The following DZIP3 variants were observed in gnomAD, a reference collection of about 807,000 sequenced individuals.
DZIP3 encodes DAZ interacting zinc finger protein 3, also known as E3 ubiquitin-protein ligase DZIP3.
Under a neutral mutation model 162.0 loss-of-function variants are expected in DZIP3, and 118 were observed. The ratio of observed to expected loss-of-function variants is 0.73; its 90% CI spans 0.63 to 0.85. The LOEUF is 0.85. Among genes scored for constraint, DZIP3 ranks in the 40% least tolerant of loss-of-function variants. DZIP3 has a pLI of 0.00. For missense variants in DZIP3, 1,331 were observed against 1,407.0 expected (o/e 0.95, Z 0.86); for synonymous variants, 438 against 458.6 (o/e 0.96, Z 0.57).
chr3:108,607,451 T>C (rs1250338853), intron 2 of DZIP3, among the ~76,000 whole-genome samples: 3 of 152,208 alleles, frequency 2.0e-5, no homozygotes, highest in Non-Finnish European at 4.4e-5. Flanking sequence ...CCCTATATTA[T>C]GGTGCCTTTA....
chr3:108,593,562 CAT>C (rs1939542030), intron 1 of DZIP3, among the ~76,000 whole-genome samples: 3 of 151,598 alleles, frequency 2.0e-5, no homozygotes, highest in Admixed American at 2.0e-4. Flanking sequence ...TAATAAGAAT[CAT>C]AGAAATTATC....
intron 26 of DZIP3, among the ~76,000 whole-genome samples, chr3:108,680,403 T>C (rs1280351567): frequency 1.3e-5 from 2 of 152,002 alleles, no homozygotes; most frequent in East Asian, 3.9e-4. Context: ...TCGCAAAGAC[T>C]CCACTTAAAA....
At chr3:108,635,298 C>A in intron 10 of DZIP3, 1 of 225,760 alleles carries the variant, frequency 4.4e-6, no homozygotes, top group South Asian at 7.1e-5. Flanking sequence ...AATATTGTTG[C>A]ATATATGCAC....
At chr3:108,678,710 A>G (rs1944199921) in intron 26 of DZIP3, among the ~76,000 whole-genome samples, 1 of 152,006 alleles carries the variant, frequency 6.6e-6, no homozygotes, top group Non-Finnish European at 1.5e-5. Context: ...TTGGATGACA[A>G]TTTTTATTAT....
At position 108,651,137 on chromosome 3, in the gene DZIP3, A is replaced by G; in HGVS notation, c.2008A>G (p.Asn670Asp). ...TACTAATTCTTATGTTATTTTTCAG[A>G]ATAAAGACTCAAAAGAAGACCAAGT... Reference protein sequence around the residue: ...RKKKKTKNKKNKDSKEDQVPY... With the variant: ...RKKKKTKNKKDKDSKEDQVPY... The change falls in exon 18 of 33, where the codon AAT (asparagine) becomes GAT (aspartate). Residue 670 changes from asparagine (N) to aspartate (D), a missense_variant and splice_region_variant. By Grantham distance (23) the Asn-to-Asp change is conservative. Transcript: ENST00000361582. 3 of 741,234 alleles carry G rather than the reference A, an allele frequency of 4.0e-6. No individual in the cohort carries two copies. Among genetic ancestry groups the G allele is most frequent in the South Asian group, 2.0e-5 (1 of 50,140 alleles). 45.9% of individuals were successfully genotyped at this position (741,234 alleles called of 1,614,324 possible).
chr3:108,651,484 A>T (rs750805232), intron 18 of DZIP3, among the ~76,000 whole-genome samples: 3 of 151,626 alleles, frequency 2.0e-5, no homozygotes, highest in Non-Finnish European at 4.4e-5. Context: ...TCTAGACCAA[A>T]CCTCAACTAA....
chr3:108,621,544 G>A (rs1268530981), intron 5 of DZIP3, among the ~76,000 whole-genome samples: 1 of 152,192 alleles, frequency 6.6e-6, no homozygotes, highest in African/African-American at 2.4e-5. Flanking sequence ...TTTTTGTAGA[G>A]ATGGTGTCTC....
At chr3:108,674,328 T>A in intron 24 of DZIP3, 147 bp downstream of exon 24, 2 of 647,754 alleles carry the variant, frequency 3.1e-6, no homozygotes, top group South Asian at 4.7e-5. Flanking sequence ...TTTTTTTTCA[T>A]TTTTTTCCCC....
At chr3:108,616,694 C>T (rs1367506353) in intron 5 of DZIP3, 37 bp downstream of exon 5, 1 of 1,414,554 alleles carries the variant, frequency 7.1e-7, no homozygotes, top group Non-Finnish European at 9.8e-7. Context: ...ATATAATGGA[C>T]TTGGTCAACA....
chr3:108,669,792 T>C, intron 22 of DZIP3, 43 bp downstream of exon 22: 1 of 1,446,982 alleles, frequency 6.9e-7, no homozygotes. Context: ...TCTCTGAAAC[T>C]GTATTTCACT....
chr3:108,624,037 C>T (rs1037577555), intron 5 of DZIP3, among the ~76,000 whole-genome samples: 5 of 152,166 alleles, frequency 3.3e-5, no homozygotes, highest in African/African-American at 4.8e-5. Flanking sequence ...TTCCTACCCT[C>T]TTCAGTGCCT....
At chr3:108,656,050 T>C (rs1296325031) in intron 19 of DZIP3, among the ~76,000 whole-genome samples, 1 of 152,214 alleles carries the variant, frequency 6.6e-6, no homozygotes, top group African/African-American at 2.4e-5. Context: ...TCTGCCTCTG[T>C]AGACTCCACC....
At chr3:108,659,160 G>A (rs1943294802) in intron 19 of DZIP3, among the ~76,000 whole-genome samples, 1 of 152,302 alleles carries the variant, frequency 6.6e-6, no homozygotes, top group South Asian at 2.1e-4. Context: ...GCATCATCCT[G>A]ATAGCAAAGC....
intron 8 of DZIP3, among the ~76,000 whole-genome samples, chr3:108,630,360 A>T (rs1256597636): frequency 6.6e-6 from 1 of 152,140 alleles, no homozygotes; most frequent in East Asian, 1.9e-4. Flanking sequence ...AAATAAAGAG[A>T]GACATTTTAT....
At chr3:108,636,490 A>G (rs1942152588) in intron 10 of DZIP3, 126 bp from the exon 11 acceptor site, 1 of 552,018 alleles carries the variant, frequency 1.8e-6, no homozygotes, top group Non-Finnish European at 3.0e-6. Context: ...GCTACATGTC[A>G]AATATTCACA....
chr3:108,651,235 G>C, intron 18 of DZIP3, 73 bp downstream of exon 18: 1 of 526,406 alleles, frequency 1.9e-6, no homozygotes, highest in Non-Finnish European at 2.6e-6. Flanking sequence ...TATGACACAG[G>C]CTTCCTTCCT....
rs1190096177 is a variant in DZIP3 at position 108,644,574 on chromosome 3, A to G, written c.1552A>G (p.Met518Val). 6.2e-7 allele frequency: 1 copy of G among 1,614,112 alleles called. No individual in the cohort carries two copies. The highest frequency in any genetic ancestry group is 2.2e-5 in the East Asian group (1 of 44,878). Residue 518 changes from methionine (M) to valine (V), a missense_variant, in exon 14 of 33, where the codon ATG becomes GTG. Transcript: ENST00000361582. ...YRDILLSEIL[M>V]NGLTESQFNS... The stretch of plus-strand genomic sequence containing the variant: ...GGATATCCTCCTTAGTGAGATTTTG[A>G]TGAATGGTCTCACTGAGTCACAGTT...
chr3:108,678,422 C>T (rs12638987), intron 26 of DZIP3, among the ~76,000 whole-genome samples: 19,053 of 151,870 alleles, frequency 0.13, 1,656 homozygotes, highest in East Asian at 0.53. Context: ...GATTGGGGAC[C>T]GCTGCACGAA....
At chr3:108,682,688 C>T (rs1576468407) in intron 26 of DZIP3, among the ~76,000 whole-genome samples, 1 of 150,484 alleles carries the variant, frequency 6.6e-6, no homozygotes, top group Admixed American at 6.6e-5. Context: ...TAAGTTCTGG[C>T]GTTCTATTAG....
Sources: gnomAD v4.1 joint callset for allele counts (sites outside exome capture counted in the v4.1 genomes callset) on GRCh38, gnomAD v4.1.1 for gene constraint, MANE v1.5 for transcripts, NCBI Gene and HGNC (gene_info 2026-07-23, HGNC 2026-07-21) for gene names.